OR51I2: variants seen among roughly 807,000 people sequenced by gnomAD.
OR51I2 encodes the protein olfactory receptor family 51 subfamily I member 2.
A neutral mutation model predicts 9.3 loss-of-function variants in OR51I2; 6 were observed. The ratio of observed to expected loss-of-function variants is 0.64; its 90% CI spans 0.35 to 1.27. The LOEUF (loss-of-function observed/expected upper bound fraction) is 1.27. Among genes scored for constraint, OR51I2 ranks in the 50% most tolerant of loss-of-function variants. The pLI is 0.03. For missense variants in OR51I2, 489 were observed against 396.4 expected, an observed-to-expected ratio of 1.23 and a Z score of -1.98; for synonymous variants, 179 against 143.1, an observed-to-expected ratio of 1.25 and a Z score of -1.79.
chr11:5,454,242 T>C lies in OR51I2; in HGVS notation c.754T>C (p.Tyr252His), dbSNP rs1400799143. The stretch of plus-strand genomic sequence containing the variant: ...ACATATCCTGGCTGTACTTGCATTT[T>C]ATGTGCCAATGATTGGGGTCTCCAC... ...VSHILAVLAF[Y>H]VPMIGVSTVH... The change falls in exon 2 of 2, where the codon TAT (tyrosine) becomes CAT (histidine). Residue 252 changes from tyrosine to histidine, a missense_variant. Physicochemically the swap from Tyr to His is moderately conservative, Grantham distance 83. Transcript: ENST00000641930. 3.7e-6 allele frequency: 6 copies of C among 1,614,118 alleles called. No homozygotes were observed. Among genetic ancestry groups the C allele is most frequent in the South Asian group, 1.1e-5 (1 of 91,092 alleles).
chr11:5,452,433 G>A lies in OR51I2; in HGVS notation c.-230-826G>A, dbSNP rs548781974. Among the ~76,000 whole-genome samples, 28 of 144,748 alleles carry A rather than the reference G, an allele frequency of 1.9e-4. No homozygotes were observed. In the South Asian group the frequency reaches 6.1e-3, roughly 31 times the overall value. 95.0% of individuals were successfully genotyped at this position (144,748 alleles called of 152,430 possible). On this transcript the variant is annotated intron_variant, in intron 1 of 1. Coordinates refer to ENST00000641930, the MANE Select transcript of OR51I2 (RefSeq NM_001004754.3). ...AGGCAGAAGAATGGCGTGAACCCGG[G>A]AGGTGGAGTTGCAGTGAGCCGAGAT...
Position 5,454,062 on chromosome 11 carries a change from A to G in OR51I2, c.574A>G (p.Ile192Val), listed in dbSNP as rs1160236001. Residue 192 changes from isoleucine to valine, a missense_variant, in exon 2 of 2, where the codon ATC becomes GTC. Coordinates refer to ENST00000641930, the MANE Select transcript of OR51I2 (RefSeq NM_001004754.3). The stretch of plus-strand genomic sequence containing the variant: ...CATGATGAGGCTTGCCTGTGCTGAT[A>G]TCAGTATCAACAGCATCTATGGACT... ...PDMMRLACADISINSIYGLFV... is the reference protein window; with the variant it reads ...PDMMRLACADVSINSIYGLFV... The G allele has an allele frequency of 1.9e-6, 3 of 1,614,146 alleles. No individual in the cohort carries two copies. The highest frequency in any genetic ancestry group is 1.1e-5 in the South Asian group (1 of 91,076).
At position 5,454,127 on chromosome 11, in the gene OR51I2, T is replaced by TA. The variant is rs769293650; in HGVS notation, c.640dup (p.Ile214AsnfsTer19). 2 of 1,614,100 alleles carry TA rather than the reference T, an allele frequency of 1.2e-6. No homozygotes were observed. Among genetic ancestry groups the TA allele is most frequent in the African/African-American group, 2.7e-5 (2 of 74,940 alleles). On this transcript the variant is annotated frameshift_variant, in exon 2 of 2. Transcript: ENST00000641930. LOFTEE classifies it high-confidence loss of function. Reference sequence around the variant, plus strand: ...CCACCTTTGGCATGGACCTGTTTTTTATCTTCCTCTCCTATGTGCTCATTC... The same window carrying TA: ...CCACCTTTGGCATGGACCTGTTTTTTAATCTTCCTCTCCTATGTGCTCATTC...
In OR51I2 at chr11:5,455,837, G is replaced by A. The variant is rs151263320; in HGVS notation, c.*1410G>A. On this transcript the variant is annotated 3_prime_UTR_variant, in exon 2 of 2. Transcript: ENST00000641930. ...AGATTTTTTTCAAAAATGTCTACAG[G>A]TACAATAAGACACCAATAATATATG... 5.5e-4 allele frequency: 83 copies of A among 152,092 alleles called. No individual in the cohort carries two copies. The highest frequency in any genetic ancestry group is 1.7e-3 in the African/African-American group (72 of 41,506). The allele number at this position is 152,092 out of a possible 1,614,324, so 9.4% of individuals were successfully genotyped here. A position where few individuals can be genotyped will look rare whatever the true frequency, so the allele number is the denominator to read the frequency against.
In OR51I2 at chr11:5,454,130, C is replaced by G. The variant is rs759540141; in HGVS notation, c.642C>G (p.Ile214Met). Residue 214 changes from isoleucine to methionine, a missense_variant, in exon 2 of 2, where the codon ATC becomes ATG. Ile to Met is a conservative substitution (Grantham distance 10). Coordinates refer to ENST00000641930, the MANE Select transcript of OR51I2 (RefSeq NM_001004754.3). The stretch of plus-strand genomic sequence containing the variant: ...CCTTTGGCATGGACCTGTTTTTTAT[C>G]TTCCTCTCCTATGTGCTCATTCTGC... Reference protein sequence around the residue: ...VSTFGMDLFFIFLSYVLILRS... With the variant: ...VSTFGMDLFFMFLSYVLILRS... 27 of 1,614,146 alleles carry G rather than the reference C, an allele frequency of 1.7e-5. No homozygotes were observed. The highest frequency in any genetic ancestry group is 2.3e-5 in the Non-Finnish European group (27 of 1,180,028).
Position 5,453,458 on chromosome 11 carries a change from A to C in OR51I2, c.-31A>C. ...AGAATTCTCCAAGTCAGAAGATCTG[A>C]CTCTGAAAAGTACCCTAAGTTTGTT... On this transcript the variant is annotated 5_prime_UTR_variant, in exon 2 of 2. Coordinates refer to ENST00000641930, the MANE Select transcript of OR51I2 (RefSeq NM_001004754.3). 6.8e-7 allele frequency: 1 copy of C among 1,465,666 alleles called. No homozygotes were observed. The highest frequency in any genetic ancestry group is 9.1e-7 in the Non-Finnish European group (1 of 1,096,074). The allele number at this position is 1,465,666 out of a possible 1,614,324, so 90.8% of individuals were successfully genotyped here. A position where few individuals can be genotyped will look rare whatever the true frequency, so the allele number is the denominator to read the frequency against.
Position 5,455,582 on chromosome 11 carries a change from A to AGAAAGAGAGAG in OR51I2, c.*1165_*1166insGGAAAGAGAGA. The stretch of plus-strand genomic sequence containing the variant: ...GAAGGGGGGAGAGAGAGAGAGAAAG[A>AGAAAGAGAGAG]GAAAGAGAGAAAGAGAAAAAGAGAA... On this transcript the variant is annotated 3_prime_UTR_variant, in exon 2 of 2. Coordinates refer to ENST00000641930, the MANE Select transcript of OR51I2 (RefSeq NM_001004754.3). The AGAAAGAGAGAG allele has an allele frequency of 1.3e-5, 2 of 150,314 alleles. No homozygotes were observed. Among genetic ancestry groups the AGAAAGAGAGAG allele is most frequent in the Non-Finnish European group, 3.0e-5 (2 of 67,602 alleles). 9.3% of individuals were successfully genotyped at this position (150,314 alleles called of 1,614,324 possible).
chr11:5,450,459 T>A (rs553038774), intron 1 of OR51I2, among the ~76,000 whole-genome samples: 43 of 152,238 alleles, frequency 2.8e-4, no homozygotes, highest in African/African-American at 9.4e-4. Flanking sequence ...AATAGATATT[T>A]CTACGCTTAT....
intron 1 of OR51I2, among the ~76,000 whole-genome samples, chr11:5,449,867 G>A (rs1422290559): frequency 6.6e-6 from 1 of 152,154 alleles, no homozygotes; most frequent in Admixed American, 6.5e-5. Context: ...CAGCTAAACT[G>A]TAGATGAACA....
At position 5,456,115 on chromosome 11, in the gene OR51I2, G is replaced by A. The variant is rs562195204; in HGVS notation, c.*1688G>A. ...TGCAAAGGCAAGGCTTAGGGAAGCC[G>A]CCAAATGAAAGTAAACTCTCACTGA... On this transcript the variant is annotated 3_prime_UTR_variant, in exon 2 of 2. Coordinates refer to ENST00000641930, the MANE Select transcript of OR51I2 (RefSeq NM_001004754.3). 2 of 152,232 alleles carry A rather than the reference G, an allele frequency of 1.3e-5. No homozygotes were observed. The highest frequency in any genetic ancestry group is 2.4e-5 in the African/African-American group (1 of 41,532). 9.4% of individuals were successfully genotyped at this position (152,232 alleles called of 1,614,324 possible). A position where few individuals can be genotyped will look rare whatever the true frequency, so the allele number is the denominator to read the frequency against.
rs1469641743 is a variant in OR51I2 at position 5,455,055 on chromosome 11, T to C, written c.*628T>C. On this transcript the variant is annotated 3_prime_UTR_variant, in exon 2 of 2. Transcript: ENST00000641930. ...TCACAAAGTGAAATCAGCTTAACTA[T>C]TAGAACTCACCATAAAATGTATGAA... 1 of 152,246 alleles carries C rather than the reference T, an allele frequency of 6.6e-6. No homozygotes were observed. Among genetic ancestry groups the C allele is most frequent in the Admixed American group, 6.5e-5 (1 of 15,276 alleles). 9.4% of individuals were successfully genotyped at this position (152,246 alleles called of 1,614,324 possible).
Position 5,453,948 on chromosome 11 carries a change from A to C in OR51I2, c.460A>C (p.Ile154Leu), listed in dbSNP as rs1231089485. The C allele has an allele frequency of 1.2e-6, 2 of 1,614,128 alleles. No individual in the cohort carries two copies. The highest frequency in any genetic ancestry group is 4.5e-5 in the East Asian group (2 of 44,876). The stretch of plus-strand genomic sequence containing the variant: ...TTTAGGTGCAGCTGCTCGAAGCTTC[A>C]TCACCCTTTTCCCTCTTCCCTTTCT... Reference protein sequence around the residue: ...MGLGAAARSFITLFPLPFLIK... With the variant: ...MGLGAAARSFLTLFPLPFLIK... Residue 154 changes from isoleucine to leucine, a missense_variant, in exon 2 of 2, where the codon ATC becomes CTC. Transcript: ENST00000641930.
At chr11:5,450,097 A>G (rs972012313) in intron 1 of OR51I2, among the ~76,000 whole-genome samples, 1 of 152,214 alleles carries the variant, frequency 6.6e-6, no homozygotes, top group Non-Finnish European at 1.5e-5. Context: ...GTCCTTAAAA[A>G]TAAGACATAC....
rs757116270 is a variant in OR51I2, at chr11:5,453,788, G to T, written c.300G>T (p.Gln100His). 1 of 1,614,198 alleles carries T rather than the reference G, an allele frequency of 6.2e-7. No homozygotes were observed. Among genetic ancestry groups the T allele is most frequent in the East Asian group, 2.2e-5 (1 of 44,886 alleles). Residue 100 changes from glutamine to histidine, a missense_variant, in exon 2 of 2, where the codon CAG becomes CAT. Physicochemically the swap from Gln to His is conservative, Grantham distance 24 (BLOSUM62 0). Coordinates refer to ENST00000641930, the MANE Select transcript of OR51I2 (RefSeq NM_001004754.3). ...RNITFDACLIQMFLIHFFSMM... is the reference protein window; with the variant it reads ...RNITFDACLIHMFLIHFFSMM... ...TCACTTTTGATGCCTGTCTAATTCA[G>T]ATGTTTCTTATTCACTTCTTCTCCA...
chr11:5,452,504 CAAAAAAAAAAAAAAAAAAAAAAAAAA>C (rs56677841), intron 1 of OR51I2, among the ~76,000 whole-genome samples: 1 of 69,188 alleles, frequency 1.4e-5, no homozygotes. Context: ...GACTCTGTCT[CAAAAAAAAAAAAAAAAAAAAAAAAAA>C]AAAAAAAAAA....
Position 5,453,501 on chromosome 11 carries a change from A to G in OR51I2, c.13A>G (p.Asn5Asp). 6.4e-7 allele frequency: 1 copy of G among 1,552,102 alleles called. No individual in the cohort carries two copies. The highest frequency in any genetic ancestry group is 8.7e-7 in the Non-Finnish European group (1 of 1,152,644). ...AGTTTGTTTTGCTATGGGGTTGTTC[A>G]ATGTCACTCACCCTGCATTCTTCCT... Reference protein sequence around the residue: MGLFNVTHPAFFLLT... With the variant: MGLFDVTHPAFFLLT... The change falls in exon 2 of 2, where the codon AAT becomes GAT. Residue 5 changes from asparagine to aspartate, a missense_variant. Asn to Asp is a conservative substitution (Grantham distance 23). Coordinates refer to ENST00000641930, the MANE Select transcript of OR51I2 (RefSeq NM_001004754.3).
rs1247810000 is a variant in OR51I2 at position 5,453,621 on chromosome 11, A to G, written c.133A>G (p.Ile45Val). 1.2e-6 allele frequency: 2 copies of G among 1,613,726 alleles called. No individual in the cohort carries two copies. Among genetic ancestry groups the G allele is most frequent in the Non-Finnish European group, 8.5e-7 (1 of 1,179,882 alleles). ...TGTGGCCCTTGGGGGAAATACAGTG[A>G]TCCTGCAGGCTGTGCGAGTGGAGCC... is the stretch of plus-strand genomic sequence containing the variant. Reference protein sequence around the residue: ...YAVALGGNTVILQAVRVEPSL... With the variant: ...YAVALGGNTVVLQAVRVEPSL... The change falls in exon 2 of 2, where the codon ATC becomes GTC. Residue 45 changes from isoleucine to valine, a missense_variant. Ile to Val is a conservative substitution (Grantham distance 29). Transcript: ENST00000641930.
chr11:5,454,035 G>C lies in OR51I2; in HGVS notation c.547G>C (p.Asp183His), dbSNP rs773003890. Residue 183 changes from aspartate to histidine, a missense_variant, in exon 2 of 2, where the codon GAC (aspartate) becomes CAC (histidine). By Grantham distance (81) the Asp-to-His change is moderately conservative (BLOSUM62 -1). Transcript: ENST00000641930. ...VLSHSYCLHP[D>H]MMRLACADIS... Reference sequence around the variant, plus strand: ...TTCTCACTCCTACTGCCTGCACCCAGACATGATGAGGCTTGCCTGTGCTGA... The same window carrying C: ...TTCTCACTCCTACTGCCTGCACCCACACATGATGAGGCTTGCCTGTGCTGA... 6.2e-7 allele frequency: 1 copy of C among 1,614,056 alleles called. No homozygotes were observed. The highest frequency in any genetic ancestry group is 1.7e-5 in the Admixed American group (1 of 60,032).
At position 5,454,262 on chromosome 11, in the gene OR51I2, C is replaced by T. The variant is rs150738406; in HGVS notation, c.774C>T (p.Val258=). 467 of 1,614,204 alleles carry T rather than the reference C, an allele frequency of 2.9e-4. 5 individuals are homozygous for T. The highest frequency in any genetic ancestry group is 2.9e-3 in the African/African-American group (215 of 75,056). The change falls in exon 2 of 2, where the codon GTC becomes GTT. Residue 258 remains valine (V), a synonymous_variant. Transcript: ENST00000641930. Reference sequence around the variant, plus strand: ...CATTTTATGTGCCAATGATTGGGGTCTCCACAGTGCACCGCTTTGGGAAGC... The same window carrying T: ...CATTTTATGTGCCAATGATTGGGGTTTCCACAGTGCACCGCTTTGGGAAGC... ...VLAFYVPMIG[V]STVHRFGKHV...
Sources: gnomAD v4.1 joint callset for allele counts (sites outside exome capture counted in the v4.1 genomes callset) on GRCh38, gnomAD v4.1.1 for gene constraint, MANE v1.5 for transcripts, NCBI Gene and HGNC (gene_info 2026-07-23, HGNC 2026-07-21) for gene names.